DBI: variants seen among roughly 807,000 people sequenced by gnomAD.
DBI encodes the protein diazepam binding inhibitor, acyl-CoA binding protein.
In DBI, 12 loss-of-function variants were observed where a neutral mutation model predicts 13.0. The ratio of observed to expected loss-of-function variants is 0.92; its 90% CI spans 0.59 to 1.49. The LOEUF (loss-of-function observed/expected upper bound fraction) is 1.49, where lower values mean the gene tolerates loss of function less well. Ranked by LOEUF, DBI falls within the 40% of genes most tolerant of loss-of-function variation. The pLI is 0.00. For synonymous variants in DBI, 37 were observed against 37.4 expected (o/e 0.99, Z 0.04); for missense variants, 95 against 104.8 (o/e 0.91, Z 0.41).
intron 3 of DBI, among the ~76,000 whole-genome samples, chr2:119,371,800 C>A (rs1681534769): frequency 6.6e-6 from 1 of 152,204 alleles, no homozygotes; most frequent in Non-Finnish European, 1.5e-5. Flanking sequence ...CCTGGCTTTG[C>A]TTTTTCACTG....
rs559370538 is a variant in DBI at position 119,371,711 on chromosome 2, T to C, written c.191-534T>C. Among the ~76,000 whole-genome samples the C allele has an allele frequency of 3.2e-4, 49 of 152,364 alleles. 1 individual carries two copies. The South Asian group carries it at 8.9e-3, about 28-fold the overall frequency. ...AGCAAGAAGACAAAGATTTGTCTCATTCCCCTCCAAGAAGCAGCCACTTTT... is the reference window on the plus strand; with the variant it reads ...AGCAAGAAGACAAAGATTTGTCTCACTCCCCTCCAAGAAGCAGCCACTTTT... On this transcript the variant is annotated intron_variant, in intron 3 of 3. Coordinates refer to ENST00000355857, the MANE Select transcript of DBI (RefSeq NM_001079862.4).
intron 2 of DBI, among the ~76,000 whole-genome samples, chr2:119,370,033 A>G (rs925081911): frequency 6.6e-6 from 1 of 152,126 alleles, no homozygotes; most frequent in East Asian, 1.9e-4. Flanking sequence ...CCCTGGGAAC[A>G]CTTCCCTGAA....
intron 1 of DBI, chr2:119,367,588 TG>T: frequency 1.2e-6 from 2 of 1,613,974 alleles, no homozygotes; most frequent in Non-Finnish European, 1.7e-6. Flanking sequence ...CCGAGCTATG[TG>T]GGGCGACCTC....
intron 2 of DBI, chr2:119,370,433 ATTT>A: frequency 1.5e-5 from 3 of 202,708 alleles, no homozygotes; most frequent in Non-Finnish European, 2.9e-5. Flanking sequence ...ATATGAATGG[ATTT>A]TTTTTTTAAT....
intron 2 of DBI, chr2:119,370,141 A>G (rs896821667): frequency 6.6e-6 from 1 of 152,266 alleles, no homozygotes; most frequent in Non-Finnish European, 1.5e-5. Context: ...AAATAGGACA[A>G]CAGGGAGATG....
chr2:119,369,563 G>A (rs551656495), intron 2 of DBI, among the ~76,000 whole-genome samples: 1 of 152,178 alleles, frequency 6.6e-6, no homozygotes, highest in Non-Finnish European at 1.5e-5. Flanking sequence ...CGAAGCAAGC[G>A]AATCATGAGG....
intron 1 of DBI, chr2:119,367,963 A>G (rs907497397): frequency 6.2e-7 from 1 of 1,614,140 alleles, no homozygotes; most frequent in Non-Finnish European, 8.5e-7. Flanking sequence ...TTTTCGATTG[A>G]ATGAGTGAAC....
At chr2:119,371,631 C>G (rs1162134866) in intron 3 of DBI, among the ~76,000 whole-genome samples, 1 of 152,144 alleles carries the variant, frequency 6.6e-6, no homozygotes, top group African/African-American at 2.4e-5. Context: ...CCATAGAATC[C>G]AGGAAACTGG....
chr2:119,369,656 T>G (rs761415077), intron 2 of DBI, among the ~76,000 whole-genome samples: 59 of 152,016 alleles, frequency 3.9e-4, no homozygotes, highest in Non-Finnish European at 7.6e-4. Flanking sequence ...CATGGTGGCA[T>G]ATGCCTGTAG....
At chr2:119,367,982 C>T (rs1681186219) in intron 1 of DBI, 1 of 1,611,666 alleles carries the variant, frequency 6.2e-7, no homozygotes, top group Non-Finnish European at 8.5e-7. Context: ...ACTGGAGGGG[C>T]TTCCCCTTCT....
Position 119,370,775 on chromosome 2 carries a change from A to T in DBI, c.163A>T (p.Lys55Ter). 6.2e-7 allele frequency: 1 copy of T among 1,614,144 alleles called. No homozygotes were observed. The part of the protein sequence containing the change: ...PGMLDFTGKA[K>*]WDAWNELKGT... ...GATGTTGGACTTCACGGGCAAGGCC[A>T]AGTGGGATGCCTGGAATGAGCTGAA... The change falls in exon 3 of 4, where the codon AAG becomes TAG. Residue 55 changes from lysine (K) to a stop codon, truncating the protein, a stop_gained. Coordinates refer to ENST00000355857, the MANE Select transcript of DBI (RefSeq NM_001079862.4). LOFTEE classifies it high-confidence loss of function.
Position 119,370,819 on chromosome 2 carries a change from A to G in DBI, c.190+17A>G, listed in dbSNP as rs1260686680. ...AGCTGAAAGGTAATTGTTCTAATCAATTTCTCTCATTTGTGAAACCCAGTA... is the reference window on the plus strand; with the variant it reads ...AGCTGAAAGGTAATTGTTCTAATCAGTTTCTCTCATTTGTGAAACCCAGTA... On this transcript the variant is annotated intron_variant, in intron 3 of 3. Transcript: ENST00000355857. 1.2e-6 allele frequency: 2 copies of G among 1,609,802 alleles called. No homozygotes were observed. The highest frequency in any genetic ancestry group is 2.2e-5 in the South Asian group (2 of 90,542).
chr2:119,370,652 T>C (rs1326102518), intron 2 of DBI, 88 bp from the exon 3 acceptor site: 7 of 1,234,736 alleles, frequency 5.7e-6, no homozygotes, highest in Admixed American at 1.9e-5. Context: ...ACAGGTGTAA[T>C]AGAAGATGGC....
chr2:119,367,535 CA>C (rs777932171), intron 1 of DBI: 22 of 1,607,606 alleles, frequency 1.4e-5, no homozygotes, highest in Admixed American at 1.7e-5. Context: ...AGAGGTGACC[CA>C]GGGGCCCCTC....
chr2:119,371,008 A>G (rs551564564), intron 3 of DBI, among the ~76,000 whole-genome samples: 11 of 152,348 alleles, frequency 7.2e-5, no homozygotes, highest in African/African-American at 2.4e-4. Context: ...ACCATCTCTG[A>G]GCAGGAGCAT....
At position 119,368,297 on chromosome 2, in the gene DBI, T is replaced by G. The variant is rs377747621; in HGVS notation, c.119T>G (p.Ile40Arg). ...TACAAACAAGCAACTGTGGGCGACA[T>G]AAATACAGGTATGCAGAGCGGGGGT... is the stretch of plus-strand genomic sequence containing the variant. Reference protein sequence around the residue: ...GHYKQATVGDINTERPGMLDF... With the variant: ...GHYKQATVGDRNTERPGMLDF... Residue 40 changes from isoleucine (I) to arginine (R), a missense_variant, in exon 2 of 4, where the codon ATA becomes AGA. Coordinates refer to ENST00000355857, the MANE Select transcript of DBI (RefSeq NM_001079862.4). The G allele has an allele frequency of 1.9e-5, 31 of 1,611,940 alleles. No homozygotes were observed. In the African/African-American group the frequency reaches 3.9e-4, roughly 20 times the overall value.
chr2:119,369,260 A>G (rs1255218993), intron 2 of DBI, among the ~76,000 whole-genome samples: 1 of 152,170 alleles, frequency 6.6e-6, no homozygotes, highest in Non-Finnish European at 1.5e-5. Context: ...AGGTGCCAAG[A>G]TGCTTTTCTG....
Position 119,368,228 on chromosome 2 carries a change from A to T in DBI, c.50A>T (p.Lys17Met), listed in dbSNP as rs1681217513. ...EKAAEEVRHLKTKPSDEEMLF... is the reference protein window; with the variant it reads ...EKAAEEVRHLMTKPSDEEMLF... ...GCTGCAGAGGAGGTTAGGCACCTTA[A>T]GACCAAGCCATCGGATGAGGAGATG... is the stretch of plus-strand genomic sequence containing the variant. The change falls in exon 2 of 4, where the codon AAG becomes ATG. Residue 17 changes from lysine (K) to methionine (M), a missense_variant. By Grantham distance (95) the Lys-to-Met change is moderately conservative. Transcript: ENST00000355857. The T allele has an allele frequency of 6.2e-7, 1 of 1,613,876 alleles. No individual in the cohort carries two copies. Among genetic ancestry groups the T allele is most frequent in the Non-Finnish European group, 8.5e-7 (1 of 1,180,046 alleles).
chr2:119,367,628 C>T (rs2104678400), intron 1 of DBI: 1 of 1,614,034 alleles, frequency 6.2e-7, no homozygotes, highest in South Asian at 1.1e-5. Flanking sequence ...TCTGCCAATC[C>T]GGGCACTGGG....
Sources: allele counts gnomAD v4.1 joint callset (sites outside exome capture counted in the v4.1 genomes callset), GRCh38; gene constraint gnomAD v4.1.1; transcripts MANE v1.5; gene names NCBI Gene and HGNC (gene_info 2026-07-23, HGNC 2026-07-21).